Variants in CACNB2 observed in about 807,000 individuals in gnomAD.
CACNB2 encodes the protein voltage-dependent L-type calcium channel subunit beta-2.
A neutral mutation model predicts 73.3 loss-of-function variants in CACNB2; 42 were observed. That is an observed-to-expected ratio of 0.57 (90% confidence interval 0.45 to 0.74). The LOEUF (loss-of-function observed/expected upper bound fraction) is 0.74, where lower values mean the gene tolerates loss of function less well. Among genes scored for constraint, CACNB2 ranks in the 30% least tolerant of loss-of-function variants. The pLI is 0.00. For synonymous variants in CACNB2, 348 were observed against 310.3 expected (o/e 1.12, Z -1.28); for missense variants, 940 against 853.0 (o/e 1.10, Z -1.27).
chr10:18,526,087 T>C (rs558529842), intron 9 of CACNB2, among the ~76,000 whole-genome samples: 1 of 152,272 alleles, frequency 6.6e-6, no homozygotes, highest in Non-Finnish European at 1.5e-5. Flanking sequence ...TAATCAGAGG[T>C]TCTGTGCTCA....
Position 18,519,098 on chromosome 10 carries a change from C to G in CACNB2, c.944+130C>G, listed in dbSNP as rs2051574378. 9 of 794,392 alleles carry G rather than the reference C, an allele frequency of 1.1e-5. No individual in the cohort carries two copies. In the South Asian group the frequency reaches 1.2e-4, roughly 11 times the overall value. The allele number at this position is 794,392 out of a possible 1,614,324, so 49.2% of individuals were successfully genotyped here. On this transcript the variant is annotated intron_variant, in intron 9 of 13. Transcript: ENST00000324631. ...ATATGATGACAGGAAACAAGTTTCA[C>G]TCAATTTAATCTGATTCAATCAATA...
intron 10 of CACNB2, among the ~76,000 whole-genome samples, chr10:18,530,262 T>C (rs892923827): frequency 6.6e-6 from 1 of 152,090 alleles, no homozygotes; most frequent in Non-Finnish European, 1.5e-5. Flanking sequence ...ATTTAGCAAA[T>C]ACTTGAATAC....
In CACNB2 at chr10:18,291,465, A is replaced by C. The variant is rs2039066823; in HGVS notation, c.214-110459A>C. On this transcript the variant is annotated intron_variant, in intron 2 of 13. Coordinates refer to ENST00000324631, the MANE Select transcript of CACNB2 (RefSeq NM_201596.3). Reference sequence around the variant, plus strand: ...CTACTCCACTTCGGATGTTGTGGCTATACAGAAGATAACATGTTGCAGATT... The same window carrying C: ...CTACTCCACTTCGGATGTTGTGGCTCTACAGAAGATAACATGTTGCAGATT... Among the ~76,000 whole-genome samples, 3 of 152,312 alleles carry C rather than the reference A, an allele frequency of 2.0e-5. No individual in the cohort carries two copies. In the South Asian group the frequency reaches 6.2e-4, roughly 32 times the overall value.
At chr10:18,486,711 T>C (rs1242436431) in intron 3 of CACNB2, among the ~76,000 whole-genome samples, 3 of 152,158 alleles carry the variant, frequency 2.0e-5, no homozygotes, top group African/African-American at 7.2e-5. Context: ...ATGAGGGACT[T>C]CAAGGCCAGG....
chr10:18,153,984 G>A (rs370535657), intron 2 of CACNB2, among the ~76,000 whole-genome samples: 23 of 151,296 alleles, frequency 1.5e-4, no homozygotes, highest in East Asian at 3.9e-4. Flanking sequence ...CACATATTGC[G>A]TACTTGTCTG....
chr10:18,356,942 C>CTTTTTTTTTTTTTTTTTTTTTTTTT (rs71402158), intron 2 of CACNB2, among the ~76,000 whole-genome samples: 1 of 101,104 alleles, frequency 9.9e-6, no homozygotes, highest in Non-Finnish European at 2.0e-5. Context: ...GACTCAATTT[C>CTTTTTTTTTTTTTTTTTTTTTTTTT]TTTTTTTTTT....
At chr10:18,277,219 G>A (rs2038334915) in intron 2 of CACNB2, among the ~76,000 whole-genome samples, 1 of 152,216 alleles carries the variant, frequency 6.6e-6, no homozygotes, top group African/African-American at 2.4e-5. Flanking sequence ...ATGGAAAAGG[G>A]AAAGAGTCAG....
At chr10:18,314,683 C>T (rs2040091609) in intron 2 of CACNB2, among the ~76,000 whole-genome samples, 1 of 151,594 alleles carries the variant, frequency 6.6e-6, no homozygotes, top group Admixed American at 6.6e-5. Context: ...TACAGCAAAA[C>T]ATTTTTTCAT....
intron 3 of CACNB2, among the ~76,000 whole-genome samples, chr10:18,461,764 CTT>C (rs35385599): frequency 7.4e-5 from 5 of 68,016 alleles, no homozygotes; most frequent in African/African-American, 1.2e-4. Context: ...TTCGATAAAG[CTT>C]TTTTTTTTTT....
Position 18,140,789 on chromosome 10 carries a change from C to T in CACNB2, c.53C>T (p.Ala18Val), listed in dbSNP as rs786205788. 6.9e-6 allele frequency: 11 copies of T among 1,600,468 alleles called. No individual in the cohort carries two copies. Among genetic ancestry groups the T allele is most frequent in the Non-Finnish European group, 8.5e-6 (10 of 1,175,202 alleles). ...CCTCCCACAGCGGCGGCGGCGGTGG[C>T]GCAGGAGATCCAGATGGAACTGCTA... ...KSPPTAAAAV[A>V]QEIQMELLEN... Residue 18 changes from alanine (A) to valine (V), a missense_variant, in exon 1 of 14, where the codon GCG becomes GTG. Physicochemically the swap from Ala to Val is moderately conservative, Grantham distance 64. Coordinates refer to ENST00000324631, the MANE Select transcript of CACNB2 (RefSeq NM_201596.3).
At chr10:18,484,403 A>G (rs2048952411) in intron 3 of CACNB2, among the ~76,000 whole-genome samples, 1 of 76,956 alleles carries the variant, frequency 1.3e-5, no homozygotes, top group Admixed American at 1.6e-4. Context: ...CAAAGAAAAA[A>G]AAAAAAATAG....
At chr10:18,164,826 A>G (rs2032733886) in intron 2 of CACNB2, among the ~76,000 whole-genome samples, 1 of 152,090 alleles carries the variant, frequency 6.6e-6, no homozygotes, top group South Asian at 2.1e-4. Context: ...GTGCGTGTGT[A>G]TGTGAAAACT....
intron 2 of CACNB2, among the ~76,000 whole-genome samples, chr10:18,335,854 A>G (rs931269673): frequency 1.3e-5 from 2 of 151,838 alleles, no homozygotes; most frequent in Non-Finnish European, 2.9e-5. Flanking sequence ...GTAGTAGAAA[A>G]TTTACAGAAG....
intron 3 of CACNB2, among the ~76,000 whole-genome samples, chr10:18,443,140 G>A (rs542250869): frequency 6.6e-6 from 1 of 150,820 alleles, no homozygotes; most frequent in Non-Finnish European, 1.5e-5. Flanking sequence ...ATTTGACTGA[G>A]TCGTGAAGTT....
intron 3 of CACNB2, among the ~76,000 whole-genome samples, chr10:18,447,035 G>T (rs1319625863): frequency 1.3e-5 from 2 of 151,816 alleles, no homozygotes; most frequent in African/African-American, 2.4e-5. Flanking sequence ...ACTCCACCCT[G>T]GGTGACAGAG....
intron 3 of CACNB2, among the ~76,000 whole-genome samples, chr10:18,493,114 C>G (rs1387332609): frequency 2.0e-5 from 3 of 152,212 alleles, no homozygotes; most frequent in Admixed American, 6.5e-5. Context: ...GGTATTATAA[C>G]TGCTCTAGAG....
At chr10:18,149,831 T>C (rs73593753) in intron 1 of CACNB2, among the ~76,000 whole-genome samples, 3,335 of 152,330 alleles carry the variant, frequency 0.022, 128 homozygotes, top group African/African-American at 0.074. Flanking sequence ...TCACTTTTTA[T>C]GTATTACTTT....
In CACNB2 at chr10:18,541,470, C is replaced by T. The variant is rs1564685692; in HGVS notation, c.*1746C>T. The T allele has an allele frequency of 6.6e-6, 1 of 152,168 alleles. No individual in the cohort carries two copies. Among genetic ancestry groups the T allele is most frequent in the East Asian group, 1.9e-4 (1 of 5,198 alleles). The allele number at this position is 152,168 out of a possible 1,614,324, so 9.4% of individuals were successfully genotyped here. A position where few individuals can be genotyped will look rare whatever the true frequency, so the allele number is the denominator to read the frequency against. On this transcript the variant is annotated 3_prime_UTR_variant, in exon 14 of 14. Transcript: ENST00000324631. Reference sequence around the variant, plus strand: ...GTCCAGTTATAACTGGATGGTAAGACAGTATTAAGAGTGCAAGTACCTGGC... The same window carrying T: ...GTCCAGTTATAACTGGATGGTAAGATAGTATTAAGAGTGCAAGTACCTGGC...
intron 7 of CACNB2, 63 bp from the exon 8 acceptor site, chr10:18,518,273 T>A: frequency 9.1e-7 from 1 of 1,096,700 alleles, no homozygotes; most frequent in Non-Finnish European, 1.4e-6. Context: ...GAGTACCTTA[T>A]ACACAAAATA....
Sources: gnomAD v4.1 joint callset for allele counts (sites outside exome capture counted in the v4.1 genomes callset) on GRCh38, gnomAD v4.1.1 for gene constraint, MANE v1.5 for transcripts, NCBI Gene and HGNC (gene_info 2026-07-23, HGNC 2026-07-21) for gene names.